Variants in CDH13 observed in about 807,000 individuals in gnomAD.
CDH13 encodes the protein cadherin-13.
Under a neutral mutation model 63.8 loss-of-function variants are expected in CDH13, and 24 were observed. The observed-to-expected ratio is 0.38, with a 90% CI of 0.27 to 0.53. The LOEUF (loss-of-function observed/expected upper bound fraction) is 0.53. Among genes scored for constraint, CDH13 ranks in the 20% least tolerant of loss-of-function variants. The probability of loss-of-function intolerance (pLI) is 0.85; values close to 1 mark genes in which losing one functional copy is unlikely to be tolerated. For synonymous variants in CDH13, 503 were observed against 355.3 expected (o/e 1.42, Z -4.67); for missense variants, 1,049 against 903.1 (o/e 1.16, Z -2.07).
intron 6 of CDH13, among the ~76,000 whole-genome samples, chr16:83,428,730 C>T (rs566206492): frequency 2.0e-5 from 3 of 152,192 alleles, no homozygotes; most frequent in Admixed American, 1.3e-4. Flanking sequence ...CTCTTCTTGC[C>T]TTTGTTCCTT....
chr16:83,153,899 G>C (rs1380853770), intron 4 of CDH13, among the ~76,000 whole-genome samples: 2 of 152,174 alleles, frequency 1.3e-5, no homozygotes, highest in Non-Finnish European at 2.9e-5. Context: ...GAGCAATTCT[G>C]GAGGTGAGAG....
intron 13 of CDH13, chr16:83,790,323 T>C (rs1890956560): frequency 6.6e-6 from 1 of 152,202 alleles, no homozygotes; most frequent in Non-Finnish European, 1.5e-5. Context: ...CATCTGAAAA[T>C]AAAGGAAATA....
At chr16:82,733,971 G>T (rs2033537058) in intron 1 of CDH13, among the ~76,000 whole-genome samples, 1 of 152,228 alleles carries the variant, frequency 6.6e-6, no homozygotes, top group Non-Finnish European at 1.5e-5. Flanking sequence ...AAGAGAGGAT[G>T]ACAGAACTGT....
chr16:83,159,288 AG>A (rs1402236544), intron 4 of CDH13, among the ~76,000 whole-genome samples: 3 of 152,186 alleles, frequency 2.0e-5, no homozygotes, highest in Admixed American at 1.3e-4. Context: ...ATTTATTCCT[AG>A]CTTTTAAAAA....
chr16:83,445,947 G>A (rs2072674785), intron 6 of CDH13, among the ~76,000 whole-genome samples: 1 of 152,102 alleles, frequency 6.6e-6, no homozygotes, highest in South Asian at 2.1e-4. Flanking sequence ...GCAACTAAAA[G>A]ATTTCTAAAG....
At chr16:82,743,203 T>C (rs969904078) in intron 1 of CDH13, among the ~76,000 whole-genome samples, 3 of 152,324 alleles carry the variant, frequency 2.0e-5, no homozygotes, top group African/African-American at 7.2e-5. Flanking sequence ...ACAGTGAACA[T>C]TTTAATAATT....
intron 4 of CDH13, among the ~76,000 whole-genome samples, chr16:83,125,865 C>T (rs2035788898): frequency 1.3e-5 from 2 of 152,126 alleles, no homozygotes; most frequent in Non-Finnish European, 2.9e-5. Context: ...TCACTGAGAT[C>T]CTGTTTTTCA....
At chr16:83,318,905 T>C (rs1597734650) in intron 5 of CDH13, among the ~76,000 whole-genome samples, 1 of 152,176 alleles carries the variant, frequency 6.6e-6, no homozygotes, top group East Asian at 1.9e-4. Flanking sequence ...GGGAAGACCT[T>C]GTCCCTACCT....
intron 11 of CDH13, among the ~76,000 whole-genome samples, chr16:83,777,488 G>A (rs1013118223): frequency 6.6e-6 from 1 of 152,232 alleles, no homozygotes; most frequent in Admixed American, 6.5e-5. Flanking sequence ...GTGAGGTGCG[G>A]GGGCTTTCTG....
chr16:83,599,614 A>T (rs1405684877), intron 7 of CDH13, among the ~76,000 whole-genome samples: 1 of 152,210 alleles, frequency 6.6e-6, no homozygotes, highest in Non-Finnish European at 1.5e-5. Context: ...AACCACAAAT[A>T]ACCAAAAGGC....
In CDH13 at chr16:83,539,923, G is replaced by A. The variant is rs565112524; in HGVS notation, c.960+53268G>A. ...TATCTCCCTGAGGGAGAATTTGAGC[G>A]TGATTAATTCCCTGACATTCCATTG... is the stretch of plus-strand genomic sequence containing the variant. On this transcript the variant is annotated intron_variant, in intron 7 of 13. Transcript: ENST00000567109. 9.2e-5 allele frequency among the ~76,000 whole-genome samples: 14 copies of A among 152,264 alleles called. No individual in the cohort carries two copies. The South Asian group carries it at 2.5e-3, about 27-fold the overall frequency.
At chr16:82,800,205 G>C (rs1051936685) in intron 1 of CDH13, among the ~76,000 whole-genome samples, 25 of 152,056 alleles carry the variant, frequency 1.6e-4, no homozygotes, top group Non-Finnish European at 2.1e-4. Context: ...TATGACAAAG[G>C]CCATATTTTG....
intron 5 of CDH13, among the ~76,000 whole-genome samples, chr16:83,246,233 G>A (rs568275473): frequency 6.6e-6 from 1 of 152,258 alleles, no homozygotes. Flanking sequence ...TTTTCCAAGA[G>A]GGAGCTTTAA....
At chr16:83,263,867 C>T (rs1248775029) in intron 5 of CDH13, among the ~76,000 whole-genome samples, 8 of 152,072 alleles carry the variant, frequency 5.3e-5, no homozygotes, top group Non-Finnish European at 1.0e-4. Flanking sequence ...CCACTACTTG[C>T]CACTGAGGCT....
chr16:83,282,444 A>G (rs1465477226), intron 5 of CDH13, among the ~76,000 whole-genome samples: 1 of 152,250 alleles, frequency 6.6e-6, no homozygotes, highest in Non-Finnish European at 1.5e-5. Flanking sequence ...ATCTGTGAAT[A>G]GGAGAAGCTA....
At chr16:83,582,109 G>T (rs1199033519) in intron 7 of CDH13, among the ~76,000 whole-genome samples, 3 of 152,290 alleles carry the variant, frequency 2.0e-5, no homozygotes, top group East Asian at 3.9e-4. Flanking sequence ...TGTCAGGGGG[G>T]TGGTTAGTAG....
chr16:83,254,068 G>T (rs1035879926), intron 5 of CDH13, among the ~76,000 whole-genome samples: 2 of 152,192 alleles, frequency 1.3e-5, no homozygotes, highest in Non-Finnish European at 2.9e-5. Context: ...AGACGCCGCA[G>T]TGTTCCTTTG....
chr16:82,892,454 G>C (rs1279705198), intron 2 of CDH13, among the ~76,000 whole-genome samples: 1 of 152,142 alleles, frequency 6.6e-6, no homozygotes, highest in Non-Finnish European at 1.5e-5. Context: ...TCAAAAGATT[G>C]TGCTGTCTGC....
At chr16:83,463,115 A>G (rs1036758744) in intron 6 of CDH13, among the ~76,000 whole-genome samples, 10 of 152,140 alleles carry the variant, frequency 6.6e-5, no homozygotes, top group Admixed American at 1.3e-4. Context: ...TTCTAGTGTA[A>G]TGAAAGATGA....
Sources: allele counts gnomAD v4.1 joint callset (sites outside exome capture counted in the v4.1 genomes callset), GRCh38; gene constraint gnomAD v4.1.1; transcripts MANE v1.5; gene names NCBI Gene and HGNC (gene_info 2026-07-23, HGNC 2026-07-21).